The following SPECC1 variants were observed in gnomAD, a reference collection of about 807,000 sequenced individuals.
SPECC1 encodes the protein cytospin-B.
SPECC1 carries 62 observed loss-of-function variants against 104.1 expected under a neutral mutation model. That is an observed-to-expected ratio of 0.60 (90% CI 0.49 to 0.74). The LOEUF (loss-of-function observed/expected upper bound fraction) is 0.74, where lower values mean the gene tolerates loss of function less well. Ranked by LOEUF, SPECC1 falls within the 30% of genes least tolerant of loss-of-function variation. The pLI, the probability that SPECC1 is intolerant of heterozygous loss-of-function variation, is 0.00. For missense variants in SPECC1, 1,306 were observed against 1,310.5 expected (o/e 1.00, Z 0.05); for synonymous variants, 513 against 501.6 (o/e 1.02, Z -0.30).
chr17:20,271,356 C>A (rs1241356102), intron 12 of SPECC1, among the ~76,000 whole-genome samples: 2 of 152,118 alleles, frequency 1.3e-5, no homozygotes, highest in Non-Finnish European at 2.9e-5. Context: ...CCACCCCCCC[C>A]ATGCTTCCTG....
rs534359264 is a variant in SPECC1 at position 20,253,687 on chromosome 17, G to A, written c.2680+101G>A. 3 of 1,103,712 alleles carry A rather than the reference G, an allele frequency of 2.7e-6. No homozygotes were observed. The African/African-American group carries it at 4.7e-5, about 17-fold the overall frequency. The allele number at this position is 1,103,712 out of a possible 1,614,324, so 68.4% of individuals were successfully genotyped here. Reference sequence around the variant, plus strand: ...ACTGAGCTTAGAAAAATAATCAGTGGCATTTCTTGCAAGTGATTTCAACCC... The same window carrying A: ...ACTGAGCTTAGAAAAATAATCAGTGACATTTCTTGCAAGTGATTTCAACCC... On this transcript the variant is annotated intron_variant, in intron 10 of 14. Coordinates refer to ENST00000395527, the MANE Select transcript of SPECC1 (RefSeq NM_001243439.2).
chr17:20,163,292 T>A (rs1227011725), intron 3 of SPECC1, among the ~76,000 whole-genome samples: 1 of 152,210 alleles, frequency 6.6e-6, no homozygotes, highest in Non-Finnish European at 1.5e-5. Flanking sequence ...AAGTTCAACG[T>A]CTTGTTATTC....
At chr17:20,234,554 T>A (rs781540585) in intron 7 of SPECC1, among the ~76,000 whole-genome samples, 3 of 152,240 alleles carry the variant, frequency 2.0e-5, no homozygotes, top group Non-Finnish European at 4.4e-5. Flanking sequence ...CTTGACTGAA[T>A]GAGTTCTTGA....
intron 3 of SPECC1, among the ~76,000 whole-genome samples, chr17:20,179,624 C>T (rs2034723404): frequency 2.0e-5 from 3 of 152,172 alleles, no homozygotes; most frequent in Admixed American, 1.3e-4. Context: ...AGTACTCTTG[C>T]CCAGATATAA....
chr17:20,268,986 A>T (rs1338838547), intron 12 of SPECC1, among the ~76,000 whole-genome samples: 4 of 152,192 alleles, frequency 2.6e-5, no homozygotes, highest in Non-Finnish European at 5.9e-5. Flanking sequence ...CGCACAGCAG[A>T]TGGGGAGGGA....
intron 3 of SPECC1, among the ~76,000 whole-genome samples, chr17:20,149,460 C>T (rs1300477034): frequency 6.6e-6 from 1 of 152,174 alleles, no homozygotes; most frequent in Non-Finnish European, 1.5e-5. Flanking sequence ...ATGTGATCGC[C>T]TGGTAAAAAC....
chr17:20,100,086 G>T (rs1026290875), intron 2 of SPECC1, among the ~76,000 whole-genome samples: 1 of 152,078 alleles, frequency 6.6e-6, no homozygotes. Context: ...TTTTATTGTT[G>T]TATTGTTAAT....
At chr17:20,112,878 G>A in intron 3 of SPECC1, 4 of 1,582,270 alleles carry the variant, frequency 2.5e-6, no homozygotes, top group East Asian at 4.5e-5. Flanking sequence ...TTAGAGAATT[G>A]TGATCTGTCT....
intron 1 of SPECC1, among the ~76,000 whole-genome samples, chr17:20,012,424 G>A (rs1038803608): frequency 1.1e-4 from 16 of 151,282 alleles, no homozygotes; most frequent in African/African-American, 3.9e-4. Context: ...TTTAAATGTT[G>A]TATTTTTGAA....
intron 4 of SPECC1, among the ~76,000 whole-genome samples, chr17:20,225,304 AC>A (rs2038134733): frequency 6.6e-6 from 1 of 152,124 alleles, no homozygotes; most frequent in Admixed American, 6.5e-5. Context: ...CTCCAAGTCC[AC>A]TGTCTGAGCC....
chr17:20,016,444 A>G (rs1020523506), intron 1 of SPECC1, among the ~76,000 whole-genome samples: 2 of 152,070 alleles, frequency 1.3e-5, no homozygotes, highest in Non-Finnish European at 2.9e-5. Flanking sequence ...CAGCTCCCTC[A>G]GCTTTGCAGG....
chr17:20,290,300 G>C (rs1468252331), intron 12 of SPECC1: 1 of 151,556 alleles, frequency 6.6e-6, no homozygotes, highest in Non-Finnish European at 1.5e-5. Context: ...AAATGATACA[G>C]AGAAGACTGG....
intron 12 of SPECC1, among the ~76,000 whole-genome samples, chr17:20,262,575 AT>A (rs1411312193): frequency 1.2e-4 from 19 of 152,264 alleles, no homozygotes; most frequent in Admixed American, 7.2e-4. Context: ...TCATATGCAA[AT>A]AGATACCCTC....
At chr17:20,239,913 A>T (rs2039120079) in intron 7 of SPECC1, among the ~76,000 whole-genome samples, 1 of 106,440 alleles carries the variant, frequency 9.4e-6, no homozygotes, top group Non-Finnish European at 1.8e-5. Flanking sequence ...TTTTTTTTAA[A>T]GACAGGGCCT....
intron 12 of SPECC1, among the ~76,000 whole-genome samples, chr17:20,266,927 C>G (rs753169967): frequency 6.6e-6 from 1 of 152,104 alleles, no homozygotes; most frequent in Non-Finnish European, 1.5e-5. Context: ...TCATTACTGT[C>G]GTTACTGTGC....
intron 1 of SPECC1, among the ~76,000 whole-genome samples, chr17:20,051,551 T>G (rs182849836): frequency 3.3e-5 from 5 of 152,366 alleles, no homozygotes; most frequent in African/African-American, 9.6e-5. Context: ...TTAAAATGTA[T>G]GTTTAGGTAA....
At chr17:20,211,907 T>C (rs1228254312) in intron 4 of SPECC1, among the ~76,000 whole-genome samples, 1 of 152,222 alleles carries the variant, frequency 6.6e-6, no homozygotes, top group Non-Finnish European at 1.5e-5. Flanking sequence ...AGTCTCTTCC[T>C]TTCACATGAC....
chr17:20,168,381 T>A (rs958561903), intron 3 of SPECC1, among the ~76,000 whole-genome samples: 1 of 152,228 alleles, frequency 6.6e-6, no homozygotes, highest in East Asian at 1.9e-4. Flanking sequence ...TGTATGTCAG[T>A]AATGCATTTA....
At chr17:20,270,831 T>C (rs2040384275) in intron 12 of SPECC1, among the ~76,000 whole-genome samples, 1 of 152,208 alleles carries the variant, frequency 6.6e-6, no homozygotes, top group South Asian at 2.1e-4. Context: ...CACTTCTCTA[T>C]ACAGTGTACA....
Sources: allele counts gnomAD v4.1 joint callset (sites outside exome capture counted in the v4.1 genomes callset), GRCh38; gene constraint gnomAD v4.1.1; transcripts MANE v1.5; gene names NCBI Gene and HGNC (gene_info 2026-07-23, HGNC 2026-07-21).